KNDC1: variants seen among roughly 807,000 people sequenced by gnomAD.
KNDC1 encodes the protein kinase non-catalytic C-lobe domain containing 1.
KNDC1 carries 106 observed loss-of-function variants against 172.8 expected under a neutral mutation model. The ratio of observed to expected loss-of-function variants is 0.61; its 90% CI spans 0.52 to 0.72. The LOEUF is 0.72. Ranked by LOEUF, KNDC1 falls within the 30% of genes least tolerant of loss-of-function variation. The probability of loss-of-function intolerance (pLI) is 0.00; values close to 1 mark genes in which losing one functional copy is unlikely to be tolerated. For missense variants in KNDC1, 2,325 were observed against 2,394.5 expected, an observed-to-expected ratio of 0.97 and a Z score of 0.61; for synonymous variants, 1,083 against 1,062.2, an observed-to-expected ratio of 1.02 and a Z score of -0.38.
chr10:133,219,241 C>T (rs764969745), intron 28 of KNDC1, 151 bp downstream of exon 28: 1 of 903,154 alleles, frequency 1.1e-6, no homozygotes, highest in Non-Finnish European at 1.7e-6. Context: ...GCCTTGGAGT[C>T]ATCTCCCGGC....
At position 133,163,255 on chromosome 10, in the gene KNDC1, C is replaced by T. The variant is rs1001973161; in HGVS notation, c.102+2686C>T. On this transcript the variant is annotated intron_variant, in intron 1 of 29. Transcript: ENST00000304613. This position sits in a 1 kb window ranked among gnomAD's most constrained non-coding sequence, Gnocchi z 4.4. Reference sequence around the variant, plus strand: ...TTGGGTGCCAGAGCAGGACGTGTCCCGGGTCCCTGAGAGGCAGGCAGCACT... The same window carrying T: ...TTGGGTGCCAGAGCAGGACGTGTCCTGGGTCCCTGAGAGGCAGGCAGCACT... Among the ~76,000 whole-genome samples, 3 of 152,138 alleles carry T rather than the reference C, an allele frequency of 2.0e-5. No homozygotes were observed. The highest frequency in any genetic ancestry group is 7.2e-5 in the African/African-American group (3 of 41,418).
In KNDC1 at chr10:133,209,885, G is replaced by C. The variant is rs185765051; in HGVS notation, c.3795-726G>C. 3.3e-5 allele frequency among the ~76,000 whole-genome samples: 5 copies of C among 152,046 alleles called. No homozygotes were observed. The highest frequency in any genetic ancestry group is 4.4e-5 in the Non-Finnish European group (3 of 67,994). On this transcript the variant is annotated intron_variant, in intron 20 of 29. Transcript: ENST00000304613. The surrounding 1 kb of genome is among the most constrained non-coding windows in gnomAD (Gnocchi z 4.9). The stretch of plus-strand genomic sequence containing the variant: ...CCTCCGCTTCCTGACCGTGGCCGTC[G>C]GGCTCCCAGGACAGTCCCAGACCTG...
intron 10 of KNDC1, 106 bp from the exon 11 acceptor site, chr10:133,196,952 C>T (rs1237985060): frequency 8.3e-6 from 7 of 847,344 alleles, no homozygotes. Context: ...AAACAGGAAA[C>T]CCTCCTGGCA....
rs146633272 is a variant in KNDC1 at position 133,201,643 on chromosome 10, A to C, written c.3132A>C (p.Arg1044Ser). ...FRPQRSVKAE[R>S]AQQPEAGEDR... Reference sequence around the variant, plus strand: ...CTCAGAGGTCCGTAAAAGCCGAGAGAGCGCAGCAGCCTGAGGCTGGCGAGG... The same window carrying C: ...CTCAGAGGTCCGTAAAAGCCGAGAGCGCGCAGCAGCCTGAGGCTGGCGAGG... The change falls in exon 17 of 30, where the codon AGA becomes AGC. Residue 1044 changes from arginine (R) to serine (S), a missense_variant. By Grantham distance (110) the Arg-to-Ser change is moderately radical. Transcript: ENST00000304613. The C allele has an allele frequency of 8.7e-5, 141 of 1,612,856 alleles. No individual in the cohort carries two copies. Among genetic ancestry groups the C allele is most frequent in the Admixed American group, 3.2e-4 (19 of 59,998 alleles).
At position 133,186,018 on chromosome 10, in the gene KNDC1, G is replaced by C; in HGVS notation, c.670G>C (p.Ala224Pro). 6.2e-7 allele frequency: 1 copy of C among 1,601,394 alleles called. No homozygotes were observed. Among genetic ancestry groups the C allele is most frequent in the Non-Finnish European group, 8.5e-7 (1 of 1,175,576 alleles). The change falls in exon 6 of 30, where the codon GCT becomes CCT. Residue 224 changes from alanine (A) to proline (P), a missense_variant. By Grantham distance (27) the Ala-to-Pro change is conservative. Coordinates refer to ENST00000304613, the MANE Select transcript of KNDC1 (RefSeq NM_152643.8). ...GCGGGAGAGACCTGCCCCAGGAAAC[G>C]CTGGGCCCAGGAGGCCGCCCGGGGA... is the stretch of plus-strand genomic sequence containing the variant. Reference protein sequence around the residue: ...SWRERPAPGNAGPRRPPGDPS... With the variant: ...SWRERPAPGNPGPRRPPGDPS...
In KNDC1 at chr10:133,224,934, G is replaced by T; in HGVS notation, c.*44G>T. ...TGGAATTCCAGATCCGAATCCGACT[G>T]TGGGGGGCGGGCTGGGAGGTGGGAG... On this transcript the variant is annotated 3_prime_UTR_variant, in exon 30 of 30. Coordinates refer to ENST00000304613, the MANE Select transcript of KNDC1 (RefSeq NM_152643.8). This position sits in a 1 kb window ranked among gnomAD's most constrained non-coding sequence, Gnocchi z 5.4. 1 of 1,499,986 alleles carries T rather than the reference G, an allele frequency of 6.7e-7. No individual in the cohort carries two copies. Among genetic ancestry groups the T allele is most frequent in the Non-Finnish European group, 9.2e-7 (1 of 1,084,798 alleles). 92.9% of individuals were successfully genotyped at this position (1,499,986 alleles called of 1,614,324 possible).
intron 21 of KNDC1, 127 bp from the exon 22 acceptor site, chr10:133,211,295 C>G: frequency 1.2e-6 from 1 of 852,298 alleles, no homozygotes; most frequent in Non-Finnish European, 1.8e-6. Context: ...CCCCCAGCCC[C>G]CTAAGCCCCC....
chr10:133,204,470 G>GC (rs1854468110), intron 17 of KNDC1, among the ~76,000 whole-genome samples: 3 of 152,148 alleles, frequency 2.0e-5, no homozygotes, highest in African/African-American at 7.2e-5. Context: ...CTTAGTGGCC[G>GC]AGGTTCTGCA....
At chr10:133,162,616 G>C (rs1470853017) in intron 1 of KNDC1, among the ~76,000 whole-genome samples, 1 of 152,222 alleles carries the variant, frequency 6.6e-6, no homozygotes, top group Non-Finnish European at 1.5e-5. Flanking sequence ...AAAGATGTTT[G>C]CTCATTGCAA....
In KNDC1 at chr10:133,183,864, G is replaced by A. The variant is rs375488018; in HGVS notation, c.508-8G>A. On this transcript the variant is annotated splice_polypyrimidine_tract_variant and splice_region_variant and intron_variant, in intron 4 of 29. Coordinates refer to ENST00000304613, the MANE Select transcript of KNDC1 (RefSeq NM_152643.8). ...GAGCCTTCCTGTCTGAGGTGTTCCC[G>A]TCCCCAGAGCATCATCGCGCTGTGT... 104 of 1,562,588 alleles carry A rather than the reference G, an allele frequency of 6.7e-5. No individual in the cohort carries two copies. The highest frequency in any genetic ancestry group is 3.5e-5 in the South Asian group (3 of 86,848).
intron 7 of KNDC1, 96 bp downstream of exon 7, chr10:133,188,749 C>T (rs546854123): frequency 8.4e-6 from 5 of 597,280 alleles, no homozygotes; most frequent in Non-Finnish European, 1.5e-5. Flanking sequence ...TCCCACCCCC[C>T]ACACCGTCCC....
chr10:133,188,917 G>A (rs908541934), intron 7 of KNDC1, among the ~76,000 whole-genome samples: 11 of 152,040 alleles, frequency 7.2e-5, no homozygotes, highest in African/African-American at 1.9e-4. Context: ...TTGCAGCACC[G>A]AGGGAGGTGT....
intron 3 of KNDC1, among the ~76,000 whole-genome samples, chr10:133,168,628 A>G (rs759020310): frequency 4.9e-4 from 74 of 152,114 alleles, no homozygotes; most frequent in Admixed American, 9.2e-4. Flanking sequence ...ATTTTATAGC[A>G]GGTTTTCTGG....
intron 3 of KNDC1, among the ~76,000 whole-genome samples, chr10:133,172,960 C>T (rs1270877508): frequency 6.6e-6 from 1 of 152,140 alleles, no homozygotes; most frequent in Non-Finnish European, 1.5e-5. Flanking sequence ...CCATGATTAC[C>T]CCACTGCACT....
intron 17 of KNDC1, 108 bp from the exon 18 acceptor site, chr10:133,206,577 A>G: frequency 2.2e-6 from 2 of 888,910 alleles, no homozygotes; most frequent in Non-Finnish European, 3.7e-6. Context: ...CCTGCCCTGC[A>G]GCTGATCTCC....
rs567968239 is a variant in KNDC1, at chr10:133,209,261, C to A, written c.3795-1350C>A. ...ATGCACATGTGTGGTGTGTGGTATG[C>A]GGTAGTGTGTGTGTGGTGTGTGGAG... is the stretch of plus-strand genomic sequence containing the variant. On this transcript the variant is annotated intron_variant, in intron 20 of 29. Coordinates refer to ENST00000304613, the MANE Select transcript of KNDC1 (RefSeq NM_152643.8). The surrounding 1 kb of genome is among the most constrained non-coding windows in gnomAD (Gnocchi z 4.9). Among the ~76,000 whole-genome samples, 2 of 131,092 alleles carry A rather than the reference C, an allele frequency of 1.5e-5. No homozygotes were observed. The highest frequency in any genetic ancestry group is 3.0e-5 in the African/African-American group (1 of 33,834). The allele number at this position is 131,092 out of a possible 152,430, so 86.0% of individuals were successfully genotyped here. A position where few individuals can be genotyped will look rare whatever the true frequency, so the allele number is the denominator to read the frequency against.
chr10:133,214,997 G>A (rs568546511), intron 26 of KNDC1, among the ~76,000 whole-genome samples: 3 of 152,306 alleles, frequency 2.0e-5, no homozygotes, highest in African/African-American at 4.8e-5. Context: ...CCCAGCAGAC[G>A]GACAGCCTAT....
intron 9 of KNDC1, among the ~76,000 whole-genome samples, chr10:133,190,209 G>C (rs756828554): frequency 6.6e-6 from 1 of 152,078 alleles, no homozygotes; most frequent in East Asian, 1.9e-4. Context: ...TGTACTTCCC[G>C]CTCCTCCCAC....
In KNDC1 at chr10:133,209,990, A is replaced by G. The variant is rs1189403844; in HGVS notation, c.3795-621A>G. ...GACCCAGAACCTTTGAGCGTGCAGC[A>G]TTGCGCCCGGTCCCGAGGCACCAGC... On this transcript the variant is annotated intron_variant, in intron 20 of 29. Transcript: ENST00000304613. The surrounding 1 kb of genome is among the most constrained non-coding windows in gnomAD (Gnocchi z 4.9). Among the ~76,000 whole-genome samples, 1 of 152,046 alleles carries G rather than the reference A, an allele frequency of 6.6e-6. No homozygotes were observed. The highest frequency in any genetic ancestry group is 2.4e-5 in the African/African-American group (1 of 41,396).
Sources: gnomAD v4.1 joint callset for allele counts (sites outside exome capture counted in the v4.1 genomes callset) on GRCh38, gnomAD v4.1.1 for gene constraint, Gnocchi (gnomAD v3.1) non-coding constraint, MANE v1.5 for transcripts, NCBI Gene and HGNC (gene_info 2026-07-23, HGNC 2026-07-21) for gene names.